FGA: variants seen among roughly 807,000 people sequenced by gnomAD.
FGA encodes the protein fibrinogen alpha chain.
A neutral mutation model predicts 20.3 loss-of-function variants in FGA; 20 were observed. The ratio of observed to expected loss-of-function variants is 0.99; its 90% confidence interval spans 0.69 to 1.43. The LOEUF (loss-of-function observed/expected upper bound fraction) is 1.43. Ranked by LOEUF, FGA falls within the 40% of genes most tolerant of loss-of-function variation. The probability of loss-of-function intolerance (pLI) is 0.00; values close to 1 mark genes in which losing one functional copy is unlikely to be tolerated. For synonymous variants in FGA, 306 were observed against 281.6 expected, an observed-to-expected ratio of 1.09 and a Z score of -0.87; for missense variants, 777 against 784.7, an observed-to-expected ratio of 0.99 and a Z score of 0.12.
rs1730718781 is a variant in FGA at position 154,586,406 on chromosome 4, A to G, written c.1023T>C (p.Thr341=). The change falls in exon 5 of 5, where the codon ACT becomes ACC. Residue 341 remains threonine (T), a synonymous_variant. Transcript: ENST00000403106. ...CAGGGTTTTGGTTTCCAGTACTTCC[A>G]GTTCCAGAGCTCCCAGAGTTCCAGC... ...TGSWNSGSSG[T]GSTGNQNPGS... is the part of the protein sequence containing the mutation. The G allele has an allele frequency of 6.2e-7, 1 of 1,613,126 alleles. No individual in the cohort carries two copies. The highest frequency in any genetic ancestry group is 2.2e-5 in the East Asian group (1 of 44,776).
chr4:154,584,160 A>G (rs1730650566), downstream of FGA: 1 of 1,570,292 alleles, frequency 6.4e-7, no homozygotes, highest in Non-Finnish European at 8.6e-7. Context: ...TCATGCGAAC[A>G]GCCCTGAGGG....
At chr4:154,584,018 T>C (rs1730645011), downstream of FGA, 2 of 878,338 alleles carry the variant, frequency 2.3e-6, no homozygotes, top group Admixed American at 1.8e-5. Context: ...AAATAGCACC[T>C]AGGAATTTTT....
At chr4:154,587,429 G>C (rs1400917873) in intron 4 of FGA, 83 bp downstream of exon 4, 11 of 1,237,174 alleles carry the variant, frequency 8.9e-6, no homozygotes, top group Admixed American at 5.1e-5. Flanking sequence ...TCTGCATATA[G>C]TAGACACTCA....
downstream of FGA, chr4:154,585,224 T>C (rs1730676938): frequency 6.8e-6 from 9 of 1,324,976 alleles, no homozygotes; most frequent in Admixed American, 2.7e-4. Flanking sequence ...GCACACACTT[T>C]GAATAGTGAA....
downstream of FGA, chr4:154,584,185 C>T (rs1202845861): frequency 7.4e-6 from 12 of 1,611,486 alleles, no homozygotes; most frequent in Admixed American, 1.5e-4. Context: ...ATCTGCCCCT[C>T]TAAAGGAAAC....
chr4:154,587,074 G>A (rs1255125504), intron 4 of FGA, among the ~76,000 whole-genome samples, 156 bp from the exon 5 acceptor site: 1 of 151,946 alleles, frequency 6.6e-6, no homozygotes, highest in African/African-American at 2.4e-5. Flanking sequence ...TCTGCCTATC[G>A]AGCACCCTCA....
At chr4:154,584,414 C>G (rs367614797), downstream of FGA, 1 of 1,614,174 alleles carries the variant, frequency 6.2e-7, no homozygotes, top group East Asian at 2.2e-5. Context: ...CCTTCCTCTA[C>G]GGAACCCTCA....
In FGA at chr4:154,585,632, C is replaced by T; in HGVS notation, c.1797G>A (p.Lys599=). 6.2e-7 allele frequency: 1 copy of T among 1,614,130 alleles called. No homozygotes were observed. Among genetic ancestry groups the T allele is most frequent in the South Asian group, 1.1e-5 (1 of 91,068 alleles). ...CGGCCTCATCTGCCATTTTATAGCT[C>T]TTGCTTTCAAATGTGGAGTCTCCTC... ...YNRGDSTFES[K]SYKMADEAGS... Residue 599 remains lysine (K), a synonymous_variant, in exon 5 of 5, where the codon AAG becomes AAA. Coordinates refer to ENST00000403106, the MANE Select transcript of FGA (RefSeq NM_021871.4).
rs199571440 is a variant in FGA at position 154,585,511 on chromosome 4, G to T, written c.1918C>A (p.Pro640Thr). ...AACTTAGTCTAGGGGGACAGGGAAG[G>T]CTTCCCCAAAGGAGAAGTGTGGATA... ...RGIHTSPLGK[P>T]SLSP The change falls in exon 5 of 5, where the codon CCT becomes ACT. Residue 640 changes from proline to threonine, a missense_variant. Transcript: ENST00000403106. 12 of 1,594,992 alleles carry T rather than the reference G, an allele frequency of 7.5e-6. No individual in the cohort carries two copies. Among genetic ancestry groups the T allele is most frequent in the Admixed American group, 1.7e-5 (1 of 59,998 alleles).
In FGA at chr4:154,585,795, T is replaced by A. The variant is rs121909612; in HGVS notation, c.1634A>T (p.Glu545Val). ...GATGCCAGATTCTGAGCCCCTAGAC[T>A]CAGTCTCACTGACAAACTCTCCTAA... ...PMLGEFVSET[E>V]SRGSESGIFT... The change falls in exon 5 of 5, where the codon GAG becomes GTG. Residue 545 changes from glutamate (E) to valine (V), a missense_variant. Physicochemically the swap from Glu to Val is moderately radical, Grantham distance 121. Transcript: ENST00000403106. 1.5e-5 allele frequency: 25 copies of A among 1,614,018 alleles called. No individual in the cohort carries two copies. The highest frequency in any genetic ancestry group is 2.0e-5 in the Non-Finnish European group (24 of 1,180,024).
At position 154,589,441 on chromosome 4, in the gene FGA, T is replaced by C. The variant is rs1214827293; in HGVS notation, c.176A>G (p.Asp59Gly). The C allele has an allele frequency of 6.2e-7, 1 of 1,614,036 alleles. No individual in the cohort carries two copies. Among genetic ancestry groups the C allele is most frequent in the South Asian group, 1.1e-5 (1 of 91,076 alleles). ...DSDWPFCSDE[D>G]WNYKCPSGCR... ...CTTCCCCCGCTGACTGCTTACCCAG[T>C]CTTCATCAGAGCAGAAGGGCCAGTC... is the stretch of plus-strand genomic sequence containing the variant. The change falls in exon 2 of 5, where the codon GAC becomes GGC. Residue 59 changes from aspartate to glycine, a missense_variant. Transcript: ENST00000403106.
At chr4:154,584,142 C>G (rs779908949), downstream of FGA, 1 of 1,613,790 alleles carries the variant, frequency 6.2e-7, no homozygotes, top group Non-Finnish European at 8.5e-7. Context: ...TCACAAGGGG[C>G]CTAATTTTCA....
chr4:154,583,669 C>A, downstream of FGA: 1 of 159,100 alleles, frequency 6.3e-6, no homozygotes, highest in Non-Finnish European at 1.4e-5. Context: ...GTTGTAAATT[C>A]TACTACAAAG....
chr4:154,588,717 T>A (rs1276698822), intron 3 of FGA, 76 bp downstream of exon 3: 7 of 1,040,164 alleles, frequency 6.7e-6, no homozygotes, highest in Non-Finnish European at 1.1e-5. Flanking sequence ...GTCATAGATA[T>A]AAGCGGATAT....
rs766366023 is a variant in FGA at position 154,585,569 on chromosome 4, C to G, written c.1860G>C (p.Lys620Asn). 6.2e-7 allele frequency: 1 copy of G among 1,614,182 alleles called. No individual in the cohort carries two copies. The highest frequency in any genetic ancestry group is 8.5e-7 in the Non-Finnish European group (1 of 1,180,014). ...CAGGGCGAGATTTAGCATGGCCTCT[C>G]TTGGTGCTATGTGTTCCTTCATGAT... ...EADHEGTHST[K>N]RGHAKSRPVR... Residue 620 changes from lysine to asparagine, a missense_variant, in exon 5 of 5, where the codon AAG (lysine) becomes AAC (asparagine). Transcript: ENST00000403106.
downstream of FGA, chr4:154,585,116 T>A: frequency 1.4e-6 from 1 of 716,708 alleles, no homozygotes; most frequent in Non-Finnish European, 2.1e-6. Flanking sequence ...TAGCTAAGCA[T>A]CACTTAATAC....
downstream of FGA, chr4:154,584,411 C>T: frequency 1.9e-6 from 3 of 1,614,158 alleles, no homozygotes; most frequent in Middle Eastern, 1.7e-4. Context: ...GCCCCTTCCT[C>T]TACGGAACCC....
chr4:154,585,427 G>A lies in FGA; in HGVS notation c.*67C>T. On this transcript the variant is annotated 3_prime_UTR_variant, in exon 5 of 5. Coordinates refer to ENST00000403106, the MANE Select transcript of FGA (RefSeq NM_021871.4). ...CAAAAAAGTGTAGTTTCAATGACGTGTAACAGAGAGTTAAGAAGGAAATGC... is the reference window on the plus strand; with the variant it reads ...CAAAAAAGTGTAGTTTCAATGACGTATAACAGAGAGTTAAGAAGGAAATGC... 8.1e-7 allele frequency: 1 copy of A among 1,229,360 alleles called. No individual in the cohort carries two copies. The highest frequency in any genetic ancestry group is 1.2e-6 in the Non-Finnish European group (1 of 844,168). 76.2% of individuals were successfully genotyped at this position (1,229,360 alleles called of 1,614,324 possible). A position where few individuals can be genotyped will look rare whatever the true frequency, so the allele number is the denominator to read the frequency against.
At chr4:154,589,122 G>A (rs761380360) in intron 2 of FGA, 146 bp from the exon 3 acceptor site, 16 of 753,982 alleles carry the variant, frequency 2.1e-5, no homozygotes, top group Non-Finnish European at 3.4e-5. Flanking sequence ...CTAGTTAGAG[G>A]TCGCAGAGAA....
Sources: gnomAD v4.1 joint callset for allele counts (sites outside exome capture counted in the v4.1 genomes callset) on GRCh38, gnomAD v4.1.1 for gene constraint, MANE v1.5 for transcripts, NCBI Gene and HGNC (gene_info 2026-07-23, HGNC 2026-07-21) for gene names.